Variants in ASPH observed in about 807,000 individuals in gnomAD.
ASPH encodes the protein aspartyl/asparaginyl beta-hydroxylase.
ASPH carries 100 observed loss-of-function variants against 118.4 expected under a neutral mutation model. That is an observed-to-expected ratio of 0.84 (90% CI 0.72 to 1.00). The LOEUF is 1.00. ASPH is among the 50% of genes least tolerant of loss of function. The probability of loss-of-function intolerance (pLI) is 0.00; values close to 1 mark genes in which losing one functional copy is unlikely to be tolerated. For synonymous variants in ASPH, 315 were observed against 325.6 expected (o/e 0.97, Z 0.35); for missense variants, 920 against 919.5 (o/e 1.00, Z -0.01).
chr8:61,592,839 A>T (rs1364475539), intron 14 of ASPH, among the ~76,000 whole-genome samples: 1 of 152,218 alleles, frequency 6.6e-6, no homozygotes. Context: ...ATAGATTTCA[A>T]TAAAAGAAAC....
intron 1 of ASPH, among the ~76,000 whole-genome samples, chr8:61,707,600 A>G (rs988819037): frequency 1.3e-5 from 2 of 152,232 alleles, no homozygotes; most frequent in African/African-American, 4.8e-5. Flanking sequence ...ATTATGCCCT[A>G]GAAAAACACT....
intron 22 of ASPH, 126 bp from the exon 23 acceptor site, chr8:61,518,249 G>A (rs1811614933): frequency 5.4e-6 from 4 of 735,198 alleles, no homozygotes; most frequent in Non-Finnish European, 8.6e-6. Context: ...AACATGAGAA[G>A]ATGAAGTAGG....
At chr8:61,693,320 T>A (rs76116558) in intron 1 of ASPH, among the ~76,000 whole-genome samples, 3 of 152,352 alleles carry the variant, frequency 2.0e-5, no homozygotes, top group Non-Finnish European at 4.4e-5. Flanking sequence ...TGTTTCTTGT[T>A]GGATGACACA....
chr8:61,665,598 G>T, intron 3 of ASPH: 1 of 1,562,100 alleles, frequency 6.4e-7, no homozygotes. Context: ...TCTTTAGTGA[G>T]TTCTTTAACT....
chr8:61,580,399 T>C (rs1837129534), intron 15 of ASPH, among the ~76,000 whole-genome samples: 1 of 152,220 alleles, frequency 6.6e-6, no homozygotes, highest in Non-Finnish European at 1.5e-5. Context: ...ACACGTCCTC[T>C]GAAATCTAGG....
At chr8:61,709,695 T>C (rs1837608399) in intron 1 of ASPH, among the ~76,000 whole-genome samples, 4 of 152,232 alleles carry the variant, frequency 2.6e-5, no homozygotes, top group Admixed American at 2.6e-4. Flanking sequence ...AGAGGTGATA[T>C]GGAAGTATCC....
chr8:61,526,217 T>C, intron 21 of ASPH, 105 bp from the exon 22 acceptor site: 3 of 1,439,406 alleles, frequency 2.1e-6, no homozygotes, highest in Non-Finnish European at 1.9e-6. Flanking sequence ...GAACTAATTC[T>C]TTGCCTTATC....
At chr8:61,626,127 A>G (rs1852694763) in intron 13 of ASPH, 3 of 1,254,402 alleles carry the variant, frequency 2.4e-6, no homozygotes, top group Non-Finnish European at 3.0e-6. Context: ...CCAGTGGACT[A>G]TAATTCATTC....
intron 1 of ASPH, among the ~76,000 whole-genome samples, chr8:61,709,123 T>C (rs1007242204): frequency 6.6e-6 from 1 of 152,096 alleles, no homozygotes; most frequent in Non-Finnish European, 1.5e-5. Context: ...TGTGGCCAAT[T>C]TGATAGGAAC....
In ASPH at chr8:61,684,178, A is replaced by G; in HGVS notation, c.114T>C (p.His38=). 1 of 1,611,842 alleles carries G rather than the reference A, an allele frequency of 6.2e-7. No individual in the cohort carries two copies. The highest frequency in any genetic ancestry group is 1.1e-5 in the South Asian group (1 of 90,762). Residue 38 remains histidine (H), a synonymous_variant, in exon 2 of 25, where the codon CAT becomes CAC. Coordinates refer to ENST00000379454, the MANE Select transcript of ASPH (RefSeq NM_004318.4). Reference sequence around the variant, plus strand: ...CTTTCCTCCCATTCTTGTGTCCTCCATGCTTTGTCTCTGTTTAGAAATAAA... The same window carrying G: ...CTTTCCTCCCATTCTTGTGTCCTCCGTGCTTTGTCTCTGTTTAGAAATAAA... ...SSPGARRETK[H]GGHKNGRKGG...
At chr8:61,568,705 C>T (rs550196162) in intron 16 of ASPH, among the ~76,000 whole-genome samples, 59 of 152,156 alleles carry the variant, frequency 3.9e-4, no homozygotes, top group Admixed American at 1.9e-3. Context: ...AGAAAAGAAG[C>T]GGTCCAAGAA....
chr8:61,572,504 C>T (rs1300891228), intron 16 of ASPH, among the ~76,000 whole-genome samples: 1 of 152,178 alleles, frequency 6.6e-6, no homozygotes, highest in Non-Finnish European at 1.5e-5. Flanking sequence ...TCCAGACTTG[C>T]TCTTCCTGGT....
At chr8:61,683,057 AT>A (rs1004767988) in intron 2 of ASPH, among the ~76,000 whole-genome samples, 7 of 152,160 alleles carry the variant, frequency 4.6e-5, no homozygotes, top group African/African-American at 1.7e-4. Context: ...CTTTAAAAAC[AT>A]TATGCTAAGT....
At chr8:61,693,731 G>T (rs1012671570) in intron 1 of ASPH, among the ~76,000 whole-genome samples, 1 of 152,120 alleles carries the variant, frequency 6.6e-6, no homozygotes, top group Non-Finnish European at 1.5e-5. Context: ...TTTTCTTCTT[G>T]GATCCTGTAG....
chr8:61,626,771 CAT>C (rs952839705), intron 13 of ASPH, among the ~76,000 whole-genome samples: 61 of 150,642 alleles, frequency 4.0e-4, no homozygotes, highest in African/African-American at 1.5e-3. Flanking sequence ...ATTAAAATAA[CAT>C]AAATGGTTGA....
chr8:61,501,087 T>A lies in ASPH; in HGVS notation c.*2272A>T, dbSNP rs556122590. On this transcript the variant is annotated 3_prime_UTR_variant, in exon 25 of 25. Coordinates refer to ENST00000379454, the MANE Select transcript of ASPH (RefSeq NM_004318.4). ...TATTTCTCAAACAACTGTATCACAA[T>A]ATAAATTAAACTAATTCATTTTTGT... 1.3e-5 allele frequency: 2 copies of A among 152,290 alleles called. No individual in the cohort carries two copies. Among genetic ancestry groups the A allele is most frequent in the East Asian group, 3.9e-4 (2 of 5,192 alleles). 9.4% of individuals were successfully genotyped at this position (152,290 alleles called of 1,614,324 possible).
intron 13 of ASPH, among the ~76,000 whole-genome samples, chr8:61,628,729 T>C (rs1406249217): frequency 6.6e-6 from 1 of 152,186 alleles, no homozygotes; most frequent in Non-Finnish European, 1.5e-5. Context: ...TCTCTCCTTC[T>C]GTGTGTTGCT....
At chr8:61,632,463 G>A (rs2150766177) in intron 13 of ASPH, among the ~76,000 whole-genome samples, 1 of 152,166 alleles carries the variant, frequency 6.6e-6, no homozygotes, top group East Asian at 1.9e-4. Context: ...ATACAAACAG[G>A]GTACTCTGTG....
intron 24 of ASPH, among the ~76,000 whole-genome samples, chr8:61,508,466 G>C (rs940400852): frequency 1.3e-5 from 2 of 152,110 alleles, no homozygotes; most frequent in African/African-American, 4.8e-5. Flanking sequence ...ATGATAAAAT[G>C]GTGGCAGTGC....
Sources: gnomAD v4.1 joint callset for allele counts (sites outside exome capture counted in the v4.1 genomes callset) on GRCh38, gnomAD v4.1.1 for gene constraint, MANE v1.5 for transcripts, NCBI Gene and HGNC (gene_info 2026-07-23, HGNC 2026-07-21) for gene names.